The following MAGI2 variants were observed in gnomAD, a reference collection of about 807,000 sequenced individuals.
The protein encoded by MAGI2 is membrane associated guanylate kinase, WW and PDZ domain containing 2.
MAGI2 carries 35 observed loss-of-function variants against 133.3 expected under a neutral mutation model. The ratio of observed to expected loss-of-function variants is 0.26; its 90% CI spans 0.20 to 0.35. The LOEUF is 0.35. Among genes scored for constraint, MAGI2 ranks in the 10% least tolerant of loss-of-function variants. MAGI2 has a pLI of 1.00. For synonymous variants in MAGI2, 729 were observed against 710.6 expected (o/e 1.03, Z -0.41); for missense variants, 1,636 against 1,863.4 (o/e 0.88, Z 2.25).
At chr7:79,260,547 G>A (rs1471783533) in intron 1 of MAGI2, among the ~76,000 whole-genome samples, 1 of 152,028 alleles carries the variant, frequency 6.6e-6, no homozygotes, top group Non-Finnish European at 1.5e-5. Context: ...ACAAATACAG[G>A]TTGAGCATTC....
rs776534735 is a variant in MAGI2 at position 78,256,299 on chromosome 7, C to T, written c.1691G>A (p.Arg564Gln). The T allele has an allele frequency of 6.5e-5, 105 of 1,613,868 alleles. No homozygotes were observed. Among genetic ancestry groups the T allele is most frequent in the Non-Finnish European group, 8.0e-5 (94 of 1,179,988 alleles). Residue 564 changes from arginine to glutamine, a missense_variant, in exon 10 of 22, where the codon CGG becomes CAG. Physicochemically the swap from Arg to Gln is conservative, Grantham distance 43. Around this residue, in one of 5 missense-constraint regions of MAGI2, gnomAD observed 920 missense variants for 1,093.5 expected, o/e 0.84. Transcript: ENST00000354212. ...CATGGAGTGCAGAGAATGAGGCGGC[C>T]GATCTGTTATATCTGGAACTGACTG... ...TSQSVPDITDRPPHSLHSMPT... is the reference protein window; with the variant it reads ...TSQSVPDITDQPPHSLHSMPT...
At chr7:78,604,499 A>C (rs74579519) in intron 3 of MAGI2, among the ~76,000 whole-genome samples, 2,261 of 152,310 alleles carry the variant, frequency 0.015, 55 homozygotes, top group African/African-American at 0.05. Flanking sequence ...TTCTAATGTA[A>C]TAAATGAAAT....
intron 21 of MAGI2, among the ~76,000 whole-genome samples, chr7:78,068,334 G>A (rs1027723073): frequency 6.6e-6 from 1 of 152,248 alleles, no homozygotes; most frequent in South Asian, 2.1e-4. Flanking sequence ...TATGTGGCCC[G>A]GTTCCTAACA....
chr7:79,315,088 TC>T (rs1465785554), intron 1 of MAGI2, among the ~76,000 whole-genome samples: 1 of 152,104 alleles, frequency 6.6e-6, no homozygotes, highest in Non-Finnish European at 1.5e-5. Flanking sequence ...ACAAAATTCT[TC>T]ACATTTGCAA....
intron 2 of MAGI2, among the ~76,000 whole-genome samples, chr7:78,666,821 C>T (rs183693448): frequency 2.0e-5 from 3 of 152,252 alleles, no homozygotes; most frequent in Non-Finnish European, 2.9e-5. Context: ...TAGGGGCACC[C>T]TTCTAGTAGC....
At chr7:78,934,611 T>G (rs1800381987) in intron 2 of MAGI2, among the ~76,000 whole-genome samples, 2 of 152,086 alleles carry the variant, frequency 1.3e-5, no homozygotes, top group Non-Finnish European at 2.9e-5. Flanking sequence ...ATGCAGAAAA[T>G]TATTAAAAAT....
At chr7:79,388,159 T>C (rs772996986) in intron 1 of MAGI2, among the ~76,000 whole-genome samples, 6 of 152,010 alleles carry the variant, frequency 3.9e-5, no homozygotes, top group Non-Finnish European at 7.4e-5. Flanking sequence ...TATAATTCTC[T>C]TCTATTAAGA....
At chr7:79,071,301 G>A (rs1025908836) in intron 1 of MAGI2, among the ~76,000 whole-genome samples, 1 of 152,166 alleles carries the variant, frequency 6.6e-6, no homozygotes, top group Non-Finnish European at 1.5e-5. Flanking sequence ...AAGATTGCTG[G>A]ATGTTCCTTA....
At chr7:78,220,229 G>A (rs1486377356) in intron 10 of MAGI2, among the ~76,000 whole-genome samples, 2 of 152,156 alleles carry the variant, frequency 1.3e-5, no homozygotes, top group African/African-American at 2.4e-5. Flanking sequence ...ACCCCATCCT[G>A]ATTGCCTGGC....
chr7:79,306,678 A>G (rs1837842446), intron 1 of MAGI2, among the ~76,000 whole-genome samples: 2 of 152,208 alleles, frequency 1.3e-5, no homozygotes, highest in Admixed American at 1.3e-4. Flanking sequence ...GTCTAAATGT[A>G]AACAACAAAC....
At chr7:78,470,955 T>C (rs1339933767) in intron 6 of MAGI2, among the ~76,000 whole-genome samples, 1 of 152,140 alleles carries the variant, frequency 6.6e-6, no homozygotes, top group Non-Finnish European at 1.5e-5. Context: ...AAGCCATTAG[T>C]GGCAGGAGTA....
intron 20 of MAGI2, among the ~76,000 whole-genome samples, chr7:78,083,674 A>T (rs1425882628): frequency 6.6e-6 from 1 of 152,234 alleles, no homozygotes; most frequent in African/African-American, 2.4e-5. Flanking sequence ...TGCTGTGTCT[A>T]GGTCCCCGCC....
intron 9 of MAGI2, among the ~76,000 whole-genome samples, chr7:78,317,951 G>A (rs956652545): frequency 2.6e-5 from 4 of 152,148 alleles, no homozygotes; most frequent in African/African-American, 9.7e-5. Flanking sequence ...TCCAGACACA[G>A]AAACCCCGTT....
chr7:78,571,884 A>G (rs1801535897), intron 3 of MAGI2, among the ~76,000 whole-genome samples: 1 of 152,212 alleles, frequency 6.6e-6, no homozygotes, highest in South Asian at 2.1e-4. Context: ...TTTTCATAGT[A>G]ACTTAAAATT....
intron 2 of MAGI2, among the ~76,000 whole-genome samples, chr7:78,765,096 TTTC>T (rs1247139084): frequency 1.3e-5 from 2 of 152,126 alleles, no homozygotes; most frequent in African/African-American, 4.8e-5. Context: ...GGGTAGTAAA[TTTC>T]TTTTTTGAAA....
At chr7:78,167,891 C>T (rs368407173) in intron 15 of MAGI2, 25 bp downstream of exon 15, 2 of 1,595,850 alleles carry the variant, frequency 1.3e-6, no homozygotes, top group Non-Finnish European at 1.7e-6. Flanking sequence ...ACCCTCGATT[C>T]CTGCAGCAGG....
chr7:78,478,304 A>G (rs777582663), intron 6 of MAGI2, among the ~76,000 whole-genome samples: 5 of 151,882 alleles, frequency 3.3e-5, no homozygotes, highest in Non-Finnish European at 5.9e-5. Context: ...TATTTAATCT[A>G]GTTTCCCTTA....
chr7:78,356,408 C>T (rs1216454677), intron 7 of MAGI2, among the ~76,000 whole-genome samples: 1 of 152,106 alleles, frequency 6.6e-6, no homozygotes, highest in Non-Finnish European at 1.5e-5. Flanking sequence ...TGGTGTTCTA[C>T]ACCACTGTAG....
At chr7:78,351,249 G>T (rs1326060404) in intron 7 of MAGI2, among the ~76,000 whole-genome samples, 1 of 152,054 alleles carries the variant, frequency 6.6e-6, no homozygotes, top group Non-Finnish European at 1.5e-5. Flanking sequence ...ACCCATTTCT[G>T]TAACCCCAGC....
Sources: allele counts gnomAD v4.1 joint callset (sites outside exome capture counted in the v4.1 genomes callset), GRCh38; gene constraint gnomAD v4.1.1; regional missense constraint gnomAD v4.1.1; transcripts MANE v1.5; gene names NCBI Gene and HGNC (gene_info 2026-07-23, HGNC 2026-07-21).